The following C1QTNF3 variants were observed in gnomAD, a reference collection of about 807,000 sequenced individuals.
C1QTNF3 encodes C1q and TNF related 3.
C1QTNF3 carries 26 observed loss-of-function variants against 32.6 expected under a neutral mutation model. The observed-to-expected ratio is 0.80, with a 90% confidence interval of 0.58 to 1.11. The LOEUF (loss-of-function observed/expected upper bound fraction) is 1.11, where lower values mean the gene tolerates loss of function less well. C1QTNF3 is among the 50% of genes least tolerant of loss of function. The pLI is 0.00. For missense variants in C1QTNF3, 362 were observed against 398.2 expected (o/e 0.91, Z 0.77); for synonymous variants, 155 against 146.0 (o/e 1.06, Z -0.44).
the C1QTNF3 span, among the ~76,000 whole-genome samples, chr5:34,076,766 C>T: frequency 6.6e-6 from 1 of 151,580 alleles, no homozygotes; most frequent in Non-Finnish European, 1.5e-5. Flanking sequence ...AAGTTGCTAT[C>T]AACTATGATG....
chr5:34,055,779 G>C, the C1QTNF3 span, among the ~76,000 whole-genome samples: 1 of 152,232 alleles, frequency 6.6e-6, no homozygotes, highest in Non-Finnish European at 1.5e-5. Context: ...TCCAGGGGCA[G>C]ACTCAATGCC....
At chr5:34,119,153 A>G in the C1QTNF3 span, among the ~76,000 whole-genome samples, 2 of 152,248 alleles carry the variant, frequency 1.3e-5, no homozygotes, top group Non-Finnish European at 2.9e-5. Context: ...TCGAAATGGT[A>G]TAACTCAGAA....
the C1QTNF3 span, among the ~76,000 whole-genome samples, chr5:34,161,118 T>A: frequency 6.6e-6 from 1 of 152,150 alleles, no homozygotes; most frequent in Non-Finnish European, 1.5e-5. Flanking sequence ...CAGTAAAGAA[T>A]ATCTAGGTAG....
chr5:34,225,656 T>C, the C1QTNF3 span, among the ~76,000 whole-genome samples: 42 of 152,000 alleles, frequency 2.8e-4, no homozygotes, highest in African/African-American at 9.4e-4. Flanking sequence ...TCTTTACTCA[T>C]AGTCTAAATT....
chr5:34,202,711 T>G, the C1QTNF3 span, among the ~76,000 whole-genome samples: 13 of 152,348 alleles, frequency 8.5e-5, no homozygotes, highest in African/African-American at 2.9e-4. Context: ...ATTATTTTGT[T>G]GCATAGCACA....
the C1QTNF3 span, among the ~76,000 whole-genome samples, chr5:34,170,379 A>T: frequency 6.6e-6 from 1 of 152,138 alleles, no homozygotes; most frequent in African/African-American, 2.4e-5. Flanking sequence ...AATAGTTTAT[A>T]CTATATTGTG....
At chr5:34,194,953 C>T in the C1QTNF3 span, among the ~76,000 whole-genome samples, 5 of 150,892 alleles carry the variant, frequency 3.3e-5, no homozygotes, top group African/African-American at 9.8e-5. Context: ...TTTACATGTT[C>T]AGTACAGACG....
the C1QTNF3 span, among the ~76,000 whole-genome samples, chr5:34,224,941 CA>C: frequency 6.6e-6 from 1 of 152,004 alleles, no homozygotes; most frequent in Non-Finnish European, 1.5e-5. Context: ...ACAATGAACT[CA>C]AACAAATTTA....
the C1QTNF3 span, among the ~76,000 whole-genome samples, chr5:34,130,301 A>G: frequency 6.6e-6 from 1 of 152,190 alleles, no homozygotes; most frequent in Non-Finnish European, 1.5e-5. Flanking sequence ...AAGCTAAAAC[A>G]TGATCCCTCA....
chr5:34,023,909 C>G lies in C1QTNF3; in HGVS notation c.800G>C (p.Ser267Thr). 1 of 1,613,298 alleles carries G rather than the reference C, an allele frequency of 6.2e-7. No homozygotes were observed. Among genetic ancestry groups the G allele is most frequent in the Non-Finnish European group, 8.5e-7 (1 of 1,179,290 alleles). Residue 267 changes from serine (S) to threonine (T), a missense_variant and splice_region_variant, in exon 5 of 6, where the codon AGC (serine) becomes ACC (threonine). Physicochemically the swap from Ser to Thr is moderately conservative, Grantham distance 58. Coordinates refer to ENST00000382065, the MANE Select transcript of C1QTNF3 (RefSeq NM_181435.6). ...HNGNTVFSMY[S>T]YEMKGKSDTS... The stretch of plus-strand genomic sequence containing the variant: ...ACCCATGACAGAAAAGACCACCCAC[C>G]TGTACATGCTGAAGACTGTGTTGCC...
At chr5:34,188,861 A>T in the C1QTNF3 span, among the ~76,000 whole-genome samples, 1 of 152,108 alleles carries the variant, frequency 6.6e-6, no homozygotes, top group African/African-American at 2.4e-5. Flanking sequence ...GGGAAGAATT[A>T]TATGGTTTGG....
chr5:34,222,209 T>C, the C1QTNF3 span, among the ~76,000 whole-genome samples: 2 of 152,026 alleles, frequency 1.3e-5, no homozygotes, highest in Non-Finnish European at 2.9e-5. Flanking sequence ...AACAATTCAA[T>C]TAATTTATAT....
the C1QTNF3 span, among the ~76,000 whole-genome samples, chr5:34,089,365 G>T: frequency 6.6e-6 from 1 of 152,166 alleles, no homozygotes. Context: ...CAGGTATGGG[G>T]TCATATAGTA....
At chr5:34,186,647 G>A in the C1QTNF3 span, among the ~76,000 whole-genome samples, 524 of 132,500 alleles carry the variant, frequency 4.0e-3, no homozygotes, top group South Asian at 8.7e-3. Flanking sequence ...TTTCCAAGTC[G>A]CTGGGACTAT....
chr5:34,101,461 GAATT>G, the C1QTNF3 span, among the ~76,000 whole-genome samples: 1 of 151,594 alleles, frequency 6.6e-6, no homozygotes, highest in Non-Finnish European at 1.5e-5. Flanking sequence ...TCTTGGCATG[GAATT>G]AATGCTCAAT....
intron 1 of C1QTNF3, among the ~76,000 whole-genome samples, chr5:34,035,999 C>T (rs141925107): frequency 2.4e-5 from 3 of 124,942 alleles, no homozygotes; most frequent in Non-Finnish European, 3.3e-5. Context: ...CTTTGAAAAG[C>T]GTGTGGGTGG....
chr5:34,177,755 G>A, the C1QTNF3 span, among the ~76,000 whole-genome samples: 1 of 151,754 alleles, frequency 6.6e-6, no homozygotes, highest in Admixed American at 6.6e-5. Flanking sequence ...CCAAAGTGCT[G>A]GGATTACAGG....
chr5:34,235,350 T>C, the C1QTNF3 span, among the ~76,000 whole-genome samples: 1 of 152,240 alleles, frequency 6.6e-6, no homozygotes, highest in African/African-American at 2.4e-5. Flanking sequence ...GGAGACATTT[T>C]GAATTATAAT....
At chr5:34,130,673 G>A in the C1QTNF3 span, among the ~76,000 whole-genome samples, 28 of 152,324 alleles carry the variant, frequency 1.8e-4, no homozygotes, top group Admixed American at 1.7e-3. Context: ...GTCTTTCATG[G>A]TGAACCACAT....
Sources: allele counts gnomAD v4.1 joint callset (sites outside exome capture counted in the v4.1 genomes callset), GRCh38; gene constraint gnomAD v4.1.1; transcripts MANE v1.5; gene names NCBI Gene and HGNC (gene_info 2026-07-23, HGNC 2026-07-21).